KLRG1: variants seen among roughly 807,000 people sequenced by gnomAD.
KLRG1 encodes the protein killer cell lectin-like receptor subfamily G member 1.
In KLRG1, 16 loss-of-function variants were observed where a neutral mutation model predicts 21.8. The ratio of observed to expected loss-of-function variants is 0.73; its 90% CI spans 0.50 to 1.11. The LOEUF (loss-of-function observed/expected upper bound fraction) is 1.11, where lower values mean the gene tolerates loss of function less well. Ranked by LOEUF, KLRG1 falls within the 50% of genes most tolerant of loss-of-function variation. The pLI is 0.00. For missense variants in KLRG1, 173 were observed against 218.3 expected (o/e 0.79, Z 1.31); for synonymous variants, 69 against 75.9 (o/e 0.91, Z 0.47).
chr12:9,014,123 G>T (rs1371995013), downstream of KLRG1, among the ~76,000 whole-genome samples: 1 of 152,032 alleles, frequency 6.6e-6, no homozygotes, highest in Non-Finnish European at 1.5e-5. Flanking sequence ...GGAGAAAATA[G>T]CCTCAAAAGG....
chr12:9,146,411 TCATA>T, the KLRG1 span, among the ~76,000 whole-genome samples: 1 of 152,204 alleles, frequency 6.6e-6, no homozygotes. Flanking sequence ...TTCTCACTGC[TCATA>T]CATTGTTCTT....
At chr12:9,184,086 A>C in the KLRG1 span, among the ~76,000 whole-genome samples, 1 of 152,248 alleles carries the variant, frequency 6.6e-6, no homozygotes. Flanking sequence ...TTTATGGCAA[A>C]GAATAGTGGT....
chr12:9,185,654 G>C, the KLRG1 span, among the ~76,000 whole-genome samples: 1 of 41,600 alleles, frequency 2.4e-5, no homozygotes. Context: ...AGGTTGAAAT[G>C]AATGAAAAAA....
chr12:9,168,187 A>G, the KLRG1 span, among the ~76,000 whole-genome samples: 1 of 152,192 alleles, frequency 6.6e-6, no homozygotes, highest in African/African-American at 2.4e-5. Flanking sequence ...AATTCCTTCA[A>G]TTTATTAATG....
the KLRG1 span, among the ~76,000 whole-genome samples, chr12:9,190,921 A>G: frequency 6.6e-6 from 1 of 152,194 alleles, no homozygotes; most frequent in South Asian, 2.1e-4. Flanking sequence ...TTCTTTTATC[A>G]TAGAGGTGTA....
the KLRG1 span, among the ~76,000 whole-genome samples, chr12:9,130,780 T>C: frequency 3.3e-5 from 5 of 152,134 alleles, no homozygotes; most frequent in African/African-American, 1.2e-4. Flanking sequence ...TGTCCTTTGA[T>C]GCACAAATGT....
the KLRG1 span, among the ~76,000 whole-genome samples, chr12:9,185,814 C>CTTTTCTTTTCTTTTCT: frequency 1.4e-4 from 21 of 147,304 alleles, 2 homozygotes; most frequent in African/African-American, 5.0e-4. Context: ...CTTTTCTTTT[C>CTTTTCTTTTCTTTTCT]TTTTTTTTTT....
At chr12:9,212,516 G>A in the KLRG1 span, among the ~76,000 whole-genome samples, 18 of 152,122 alleles carry the variant, frequency 1.2e-4, no homozygotes, top group Non-Finnish European at 2.5e-4. Context: ...TAACTAATAT[G>A]TATAGTTGAG....
At chr12:9,109,585 A>T in the KLRG1 span, among the ~76,000 whole-genome samples, 1 of 152,222 alleles carries the variant, frequency 6.6e-6, no homozygotes, top group Non-Finnish European at 1.5e-5. Flanking sequence ...AGGGACTATG[A>T]GAGATCACTG....
chr12:9,011,855 G>T (rs114298721), downstream of KLRG1, among the ~76,000 whole-genome samples: 1 of 152,062 alleles, frequency 6.6e-6, no homozygotes, highest in Non-Finnish European at 1.5e-5. Flanking sequence ...AGTGGAACTC[G>T]GTGCAGCTCT....
chr12:9,048,373 C>T, the KLRG1 span, among the ~76,000 whole-genome samples: 1 of 126,130 alleles, frequency 7.9e-6, no homozygotes, highest in Non-Finnish European at 1.6e-5. Flanking sequence ...TCTATGAGAA[C>T]AACATTACCC....
chr12:9,101,533 A>G, the KLRG1 span: 2 of 1,613,896 alleles, frequency 1.2e-6, no homozygotes, highest in Non-Finnish European at 1.7e-6. Context: ...GTATGGCCAC[A>G]GGGTAGTTCA....
the KLRG1 span, among the ~76,000 whole-genome samples, chr12:9,210,201 A>T: frequency 1.3e-5 from 2 of 152,120 alleles, no homozygotes; most frequent in Admixed American, 6.5e-5. Flanking sequence ...TCAGTTTATT[A>T]TATATTTACC....
upstream of KLRG1, among the ~76,000 whole-genome samples, chr12:8,985,747 C>T (rs766380557): frequency 5.9e-5 from 9 of 152,294 alleles, no homozygotes; most frequent in South Asian, 4.1e-4. Flanking sequence ...CATGCCCTCT[C>T]TGGGAAGGCT....
the KLRG1 span, among the ~76,000 whole-genome samples, chr12:9,184,901 A>G: frequency 1.3e-5 from 2 of 152,218 alleles, no homozygotes; most frequent in African/African-American, 2.4e-5. Flanking sequence ...CTCCAAGGTC[A>G]TCGAATAGGA....
chr12:9,156,878 G>A, the KLRG1 span, among the ~76,000 whole-genome samples: 11 of 151,688 alleles, frequency 7.3e-5, no homozygotes, highest in African/African-American at 2.4e-4. Flanking sequence ...ACCTTTTTTT[G>A]CACAGTTTTT....
At chr12:9,190,790 GTAA>G in the KLRG1 span, among the ~76,000 whole-genome samples, 5 of 151,980 alleles carry the variant, frequency 3.3e-5, no homozygotes, top group African/African-American at 9.7e-5. Context: ...AATAATTTAG[GTAA>G]TAATAATTTG....
chr12:8,976,988 T>C (rs1156861488), intron 1 of KLRG1, among the ~76,000 whole-genome samples: 2 of 152,274 alleles, frequency 1.3e-5, no homozygotes, highest in East Asian at 1.9e-4. Context: ...TGACCTCAGA[T>C]GATCTACCCG....
the KLRG1 span, among the ~76,000 whole-genome samples, chr12:9,151,874 C>T: frequency 1.3e-5 from 2 of 152,138 alleles, no homozygotes; most frequent in African/African-American, 2.4e-5. Flanking sequence ...TTTTAGTTCA[C>T]GTTGATTTTT....
Sources: gnomAD v4.1 joint callset for allele counts (sites outside exome capture counted in the v4.1 genomes callset) on GRCh38, gnomAD v4.1.1 for gene constraint, MANE v1.5 for transcripts, NCBI Gene and HGNC (gene_info 2026-07-23, HGNC 2026-07-21) for gene names.